The following MID2 variants were observed in gnomAD, a reference collection of about 807,000 sequenced individuals.
The protein encoded by MID2 is midline 2.
Under a neutral mutation model 46.1 loss-of-function variants are expected in MID2, and 13 were observed. That is an observed-to-expected ratio of 0.28 (90% CI 0.18 to 0.45). MID2 has a LOEUF of 0.45. Ranked by LOEUF, MID2 falls within the 20% of genes least tolerant of loss-of-function variation. The pLI, the probability that MID2 is intolerant of heterozygous loss-of-function variation, is 1.00. For synonymous variants in MID2, 199 were observed against 212.3 expected, an observed-to-expected ratio of 0.94 and a Z score of 0.55; for missense variants, 431 against 575.4, an observed-to-expected ratio of 0.75 and a Z score of 2.57.
intron 3 of MID2, among the ~76,000 whole-genome samples, chrX:107,893,456 C>T (rs1241058169): frequency 4.5e-5 from 5 of 112,354 alleles, no homozygotes; most frequent in Non-Finnish European, 9.4e-5. Flanking sequence ...TTAAAGAAAT[C>T]GGGTAGCTGA....
chrX:107,906,585 T>TTTTTG (rs994304262), intron 5 of MID2, among the ~76,000 whole-genome samples: 8 of 111,911 alleles, frequency 7.1e-5, no homozygotes, highest in African/African-American at 2.3e-4. Flanking sequence ...TTTTTTCTTA[T>TTTTTG]TTTTGTTTTG....
At chrX:107,886,293 T>G (rs1430594657) in intron 3 of MID2, among the ~76,000 whole-genome samples, 1 of 112,201 alleles carries the variant, frequency 8.9e-6, no homozygotes, top group Non-Finnish European at 1.9e-5. Context: ...TTGAATTAAT[T>G]TTTGTATAAG....
chrX:107,826,968 T>C (rs1345331424), intron 1 of MID2, among the ~76,000 whole-genome samples: 2 of 112,821 alleles, frequency 1.8e-5, no homozygotes, highest in African/African-American at 6.4e-5. Flanking sequence ...TCCTCGAGTC[T>C]CCGTCTGGAT....
Position 107,825,998 on chromosome X carries a change from G to A in MID2, c.-429G>A. 3.5e-6 allele frequency: 1 copy of A among 284,130 alleles called. No individual in the cohort carries two copies. The highest frequency in any genetic ancestry group is 6.2e-6 in the Non-Finnish European group (1 of 161,733). The allele number at this position is 284,130 out of a possible 1,213,427, so 23.4% of individuals were successfully genotyped here. A position where few individuals can be genotyped will look rare whatever the true frequency, so the allele number is the denominator to read the frequency against. ...CCCTTCTTCTTGGGCCCTTCCCAGT[G>A]CTCCCTTGGGGTGTCAGCCCCAGCC... On this transcript the variant is annotated 5_prime_UTR_variant, in exon 1 of 10. Coordinates refer to ENST00000262843, the MANE Select transcript of MID2 (RefSeq NM_012216.4).
chrX:107,863,320 G>C (rs914283639), intron 3 of MID2, among the ~76,000 whole-genome samples: 1 of 111,677 alleles, frequency 9.0e-6, no homozygotes, highest in South Asian at 3.7e-4. Flanking sequence ...TGTTTTCCTC[G>C]CCCTCCTCCC....
intron 3 of MID2, among the ~76,000 whole-genome samples, chrX:107,879,526 G>A (rs1033286330): frequency 8.9e-6 from 1 of 112,096 alleles, no homozygotes; most frequent in Non-Finnish European, 1.9e-5. Context: ...TCTCTCTGCT[G>A]GCGGAGCCTA....
At chrX:107,914,975 T>G (rs745521807) in intron 5 of MID2, among the ~76,000 whole-genome samples, 2 of 112,176 alleles carry the variant, frequency 1.8e-5, no homozygotes, top group African/African-American at 3.2e-5. Context: ...TACTACATAG[T>G]GTTATGGTAA....
intron 3 of MID2, among the ~76,000 whole-genome samples, chrX:107,862,822 A>G (rs1931888397): frequency 8.9e-6 from 1 of 112,290 alleles, no homozygotes; most frequent in African/African-American, 3.2e-5. Context: ...TTAGAGATGG[A>G]AGAGCAAGGG....
At chrX:107,915,428 G>T (rs773816162) in intron 5 of MID2, among the ~76,000 whole-genome samples, 1 of 110,115 alleles carries the variant, frequency 9.1e-6, no homozygotes, top group South Asian at 3.9e-4. Context: ...GTGGTGGCGG[G>T]CCACCAGCTA....
intron 1 of MID2, among the ~76,000 whole-genome samples, chrX:107,832,232 G>A (rs1931103987): frequency 9.0e-6 from 1 of 111,728 alleles, no homozygotes; most frequent in African/African-American, 3.3e-5. Context: ...TGTGCAGGAT[G>A]AAAGTTTAAG....
At chrX:107,842,303 A>G in intron 2 of MID2, among the ~76,000 whole-genome samples, 1 of 112,461 alleles carries the variant, frequency 8.9e-6, no homozygotes, top group South Asian at 3.7e-4. Flanking sequence ...CCTTACACTG[A>G]TGATCCAGCG....
chrX:107,881,729 C>A (rs1407106535), intron 3 of MID2, among the ~76,000 whole-genome samples: 1 of 112,035 alleles, frequency 8.9e-6, no homozygotes, highest in Non-Finnish European at 1.9e-5. Context: ...ATTTGAAAAA[C>A]CAGTATTAAA....
At chrX:107,859,602 G>C (rs1931815235) in intron 3 of MID2, among the ~76,000 whole-genome samples, 1 of 112,474 alleles carries the variant, frequency 8.9e-6, no homozygotes, top group Non-Finnish European at 1.9e-5. Context: ...ATGGCAAATA[G>C]AATGTGAAGT....
At chrX:107,888,831 G>C (rs1211749026) in intron 3 of MID2, among the ~76,000 whole-genome samples, 6 of 112,089 alleles carry the variant, frequency 5.4e-5, no homozygotes, top group African/African-American at 1.9e-4. Context: ...GTTTAGGATA[G>C]TTAGCTCTTC....
At chrX:107,878,722 G>T (rs1932256051) in intron 3 of MID2, among the ~76,000 whole-genome samples, 1 of 112,069 alleles carries the variant, frequency 8.9e-6, no homozygotes, top group Admixed American at 9.4e-5. Context: ...CATGTGAAGG[G>T]AAGCAGAGCC....
At chrX:107,838,263 A>G (rs981847421) in intron 1 of MID2, among the ~76,000 whole-genome samples, 3 of 112,077 alleles carry the variant, frequency 2.7e-5, no homozygotes, top group African/African-American at 9.7e-5. Context: ...TGAGTAATAT[A>G]TCAAATGGAG....
At chrX:107,882,858 C>T (rs772268933) in intron 3 of MID2, among the ~76,000 whole-genome samples, 7 of 111,398 alleles carry the variant, frequency 6.3e-5, no homozygotes, top group Admixed American at 4.8e-4. Context: ...ACCCAGCAAT[C>T]CCAAAGTATT....
chrX:107,853,923 GT>G (rs1931686604), intron 2 of MID2, among the ~76,000 whole-genome samples: 1 of 111,502 alleles, frequency 9.0e-6, no homozygotes, highest in Non-Finnish European at 1.9e-5. Context: ...ACTCCCATTT[GT>G]AAAATACTAG....
At chrX:107,882,306 A>G (rs1416216390) in intron 3 of MID2, among the ~76,000 whole-genome samples, 1 of 112,098 alleles carries the variant, frequency 8.9e-6, no homozygotes, top group African/African-American at 3.2e-5. Context: ...CAAGGACTTC[A>G]TGTCTAAAAC....
Sources: gnomAD v4.1 joint callset for allele counts (sites outside exome capture counted in the v4.1 genomes callset) on GRCh38, gnomAD v4.1.1 for gene constraint, MANE v1.5 for transcripts, NCBI Gene and HGNC (gene_info 2026-07-23, HGNC 2026-07-21) for gene names.